Variants in GRIN2D observed in about 807,000 individuals in gnomAD.
GRIN2D encodes the protein glutamate receptor ionotropic, NMDA 2D.
GRIN2D carries 37 observed loss-of-function variants against 103.2 expected under a neutral mutation model. The observed-to-expected ratio is 0.36, with a 90% CI of 0.28 to 0.47. The LOEUF (loss-of-function observed/expected upper bound fraction) is 0.47, where lower values mean the gene tolerates loss of function less well. Ranked by LOEUF, GRIN2D falls within the 20% of genes least tolerant of loss-of-function variation. GRIN2D has a pLI of 1.00. For missense variants in GRIN2D, 1,557 were observed against 1,910.6 expected, an observed-to-expected ratio of 0.81 and a Z score of 3.45; for synonymous variants, 845 against 885.6, an observed-to-expected ratio of 0.95 and a Z score of 0.81.
Position 48,432,773 on chromosome 19 carries a change from C to CT in GRIN2D, c.2253-8981dup, listed in dbSNP as rs567358434. Among the ~76,000 whole-genome samples the CT allele has an allele frequency of 3.4e-3, 465 of 136,358 alleles. 1 individual carries two copies. The highest frequency in any genetic ancestry group is 7.8e-3 in the African/African-American group (291 of 37,466). The allele number at this position is 136,358 out of a possible 152,430, so 89.5% of individuals were successfully genotyped here. On this transcript the variant is annotated intron_variant, in intron 11 of 13. Coordinates refer to ENST00000263269, the MANE Select transcript of GRIN2D (RefSeq NM_000836.4). ...CATGCCTGGCCAGAAACTGGACTTT[C>CT]TTTTTTTTTTTTTTTATTTCATTTT...
rs1600992222 is a variant in GRIN2D at position 48,434,531 on chromosome 19, T to G, written c.2253-7238T>G. On this transcript the variant is annotated intron_variant, in intron 11 of 13. Coordinates refer to ENST00000263269, the MANE Select transcript of GRIN2D (RefSeq NM_000836.4). ...CAGCCTCCCAAAGTGTTCTTGGGAT[T>G]ACAGGCGTGAGCCACCATGCCTGGC... Among the ~76,000 whole-genome samples, 4 of 152,260 alleles carry G rather than the reference T, an allele frequency of 2.6e-5. 1 individual carries two copies. Among genetic ancestry groups the G allele is most frequent in the Admixed American group, 2.6e-4 (4 of 15,308 alleles).
chr19:48,416,697 C>T (rs1970952500), intron 8 of GRIN2D, among the ~76,000 whole-genome samples: 2 of 151,362 alleles, frequency 1.3e-5, no homozygotes, highest in African/African-American at 2.4e-5. Context: ...GATCTCTCAG[C>T]CTTGTGAAGG....
intron 11 of GRIN2D, among the ~76,000 whole-genome samples, chr19:48,432,981 G>C (rs1376795961): frequency 1.3e-5 from 2 of 149,242 alleles, no homozygotes; most frequent in Non-Finnish European, 3.0e-5. Context: ...AGTAGAGGTG[G>C]GGTTTCACCA....
intron 11 of GRIN2D, among the ~76,000 whole-genome samples, chr19:48,430,292 C>A (rs952581078): frequency 2.0e-5 from 3 of 152,090 alleles, no homozygotes; most frequent in Non-Finnish European, 4.4e-5. Context: ...CTGTGCCTCC[C>A]AGGTTCAAGT....
Position 48,403,009 on chromosome 19 carries a change from G to A in GRIN2D, c.466-1725G>A, listed in dbSNP as rs987589429. 2.9e-4 allele frequency among the ~76,000 whole-genome samples: 44 copies of A among 151,966 alleles called. 1 individual carries two copies. The highest frequency in any genetic ancestry group is 9.9e-4 in the African/African-American group (41 of 41,368). On this transcript the variant is annotated intron_variant, in intron 3 of 13. Transcript: ENST00000263269. ...AGTTCAGAAGTTCGAGACCAGCTTG[G>A]CCAACATGGTGAAACCCTGTCTCTA...
At chr19:48,413,128 C>G (rs1249029753) in intron 4 of GRIN2D, among the ~76,000 whole-genome samples, 1 of 144,596 alleles carries the variant, frequency 6.9e-6, no homozygotes, top group Admixed American at 7.1e-5. Flanking sequence ...AAGAGCAAGA[C>G]TCTGTCTCAA....
At chr19:48,425,676 G>A (rs1273136255) in intron 11 of GRIN2D, among the ~76,000 whole-genome samples, 2 of 152,080 alleles carry the variant, frequency 1.3e-5, no homozygotes, top group Non-Finnish European at 2.9e-5. Flanking sequence ...GAGAAAGCAG[G>A]ATACCTGTAT....
chr19:48,426,228 T>C (rs866289799), intron 11 of GRIN2D, among the ~76,000 whole-genome samples: 25 of 141,702 alleles, frequency 1.8e-4, no homozygotes, highest in East Asian at 7.7e-4. Flanking sequence ...TTCTTTCTTT[T>C]TTTTTTTTTT....
chr19:48,416,067 C>G lies in GRIN2D; in HGVS notation c.1647C>G (p.Ile549Met). 1 of 1,613,954 alleles carries G rather than the reference C, an allele frequency of 6.2e-7. No individual in the cohort carries two copies. Among genetic ancestry groups the G allele is most frequent in the Non-Finnish European group, 8.5e-7 (1 of 1,179,868 alleles). ...SLTINEERSE[I>M]VDFSVPFVET... ...CCATCAACGAGGAGCGCTCCGAGAT[C>G]GTGGACTTCTCCGTCCCCTTCGTGG... The change falls in exon 8 of 14, where the codon ATC becomes ATG. Residue 549 changes from isoleucine (I) to methionine (M), a missense_variant. Physicochemically the swap from Ile to Met is conservative, Grantham distance 10. Transcript: ENST00000263269.
chr19:48,409,590 T>C (rs529909173), intron 4 of GRIN2D, among the ~76,000 whole-genome samples: 8 of 151,738 alleles, frequency 5.3e-5, no homozygotes, highest in Admixed American at 5.3e-4. Context: ...AATTTCAATA[T>C]GAGTTTTGGA....
intron 11 of GRIN2D, among the ~76,000 whole-genome samples, chr19:48,437,977 GAGCTTCACATTCTCCA>G (rs1378950875): frequency 6.7e-6 from 1 of 150,012 alleles, no homozygotes; most frequent in African/African-American, 2.5e-5. Flanking sequence ...TAATTCTCCG[GAGCTTCACATTCTCCA>G]CCCCTGAGTC....
At chr19:48,417,739 C>T (rs1055468869) in intron 8 of GRIN2D, among the ~76,000 whole-genome samples, 6 of 152,154 alleles carry the variant, frequency 3.9e-5, no homozygotes, top group African/African-American at 9.7e-5. Flanking sequence ...AGGTGACAGG[C>T]GTGTCCCCAG....
In GRIN2D at chr19:48,421,706, G is replaced by T. The variant is rs1654671; in HGVS notation, c.2092-79G>T. On this transcript the variant is annotated intron_variant, in intron 10 of 13. Transcript: ENST00000263269. The surrounding 1 kb of genome is among the most constrained non-coding windows in gnomAD (Gnocchi z 4.8). ...GGGACTGGGGTGTCTGCCAGATAGC[G>T]GGTGTGTCTCAGAATGGGTGATTTA... The T allele has an allele frequency of 1.7e-6, 2 of 1,145,838 alleles. No individual in the cohort carries two copies. Among genetic ancestry groups the T allele is most frequent in the South Asian group, 1.3e-5 (1 of 74,630 alleles). The allele number at this position is 1,145,838 out of a possible 1,614,324, so 71.0% of individuals were successfully genotyped here.
At chr19:48,400,196 G>A (rs1555891555) in intron 3 of GRIN2D, among the ~76,000 whole-genome samples, 1 of 151,998 alleles carries the variant, frequency 6.6e-6, no homozygotes, top group Non-Finnish European at 1.5e-5. Context: ...GAGAGAATTG[G>A]ACCAAGCCTG....
rs1971327716 is a variant in GRIN2D at position 48,443,179 on chromosome 19, G to A, written c.3253G>A (p.Ala1085Thr). The A allele has an allele frequency of 3.4e-5, 37 of 1,074,080 alleles. No homozygotes were observed. Among genetic ancestry groups the A allele is most frequent in the Non-Finnish European group, 3.6e-5 (32 of 882,132 alleles). 66.5% of individuals were successfully genotyped at this position (1,074,080 alleles called of 1,614,324 possible). The part of the protein sequence containing the change: ...GAGGAGGTGG[A>T]GGGAPAAPPP... Reference sequence around the variant, plus strand: ...GGGCGGCGCGGGGGGCACGGGGGGCGCAGGCGGAGGAGCCCCGGCCGCTCC... The same window carrying A: ...GGGCGGCGCGGGGGGCACGGGGGGCACAGGCGGAGGAGCCCCGGCCGCTCC... Residue 1085 changes from alanine (A) to threonine (T), a missense_variant, in exon 14 of 14, where the codon GCA (alanine) becomes ACA (threonine). Physicochemically the swap from Ala to Thr is moderately conservative, Grantham distance 58. This residue lies in a region of GRIN2D where 632 missense variants were observed against 572.8 expected (regional missense o/e 1.10). Transcript: ENST00000263269. The surrounding 1 kb of genome is among the most constrained non-coding windows in gnomAD (Gnocchi z 8.9).
chr19:48,442,484 G>C lies in GRIN2D; in HGVS notation c.2673+102G>C, dbSNP rs1172852373. 2 of 1,520,082 alleles carry C rather than the reference G, an allele frequency of 1.3e-6. No homozygotes were observed. Among genetic ancestry groups the C allele is most frequent in the Non-Finnish European group, 1.8e-6 (2 of 1,132,656 alleles). 94.2% of individuals were successfully genotyped at this position (1,520,082 alleles called of 1,614,324 possible). A position where few individuals can be genotyped will look rare whatever the true frequency, so the allele number is the denominator to read the frequency against. On this transcript the variant is annotated intron_variant, in intron 13 of 13. Transcript: ENST00000263269. The surrounding 1 kb of genome is among the most constrained non-coding windows in gnomAD (Gnocchi z 7.2). Reference sequence around the variant, plus strand: ...AGATGTGGGTCGAGATGTGGATAGTGGGGAAGAGAGCGGGAAACACAGGCG... The same window carrying C: ...AGATGTGGGTCGAGATGTGGATAGTCGGGAAGAGAGCGGGAAACACAGGCG...
rs747222848 is a variant in GRIN2D at position 48,421,619 on chromosome 19, G to A, written c.2092-166G>A. ...ACGTGTCTGCAACCGTGTGTGCTGG[G>A]TGGGAGTGGAAAAGCATTCCCTAAT... On this transcript the variant is annotated intron_variant, in intron 10 of 13. Transcript: ENST00000263269. The surrounding 1 kb of genome is among the most constrained non-coding windows in gnomAD (Gnocchi z 4.8). 1.2e-4 allele frequency among the ~76,000 whole-genome samples: 18 copies of A among 152,184 alleles called. No homozygotes were observed. Among genetic ancestry groups the A allele is most frequent in the African/African-American group, 4.1e-4 (17 of 41,436 alleles).
At chr19:48,400,684 C>G (rs1179854189) in intron 3 of GRIN2D, among the ~76,000 whole-genome samples, 3 of 152,176 alleles carry the variant, frequency 2.0e-5, no homozygotes, top group Admixed American at 6.5e-5. Context: ...TTCACAGCTC[C>G]ATCTGTGCCC....
At chr19:48,416,729 T>TTC (rs375692824) in intron 8 of GRIN2D, among the ~76,000 whole-genome samples, 148 of 126,940 alleles carry the variant, frequency 1.2e-3, no homozygotes, top group African/African-American at 3.9e-3. Context: ...AAGCTTCTAC[T>TTC]TCTCTCTCTC....
Sources: gnomAD v4.1 joint callset for allele counts (sites outside exome capture counted in the v4.1 genomes callset) on GRCh38, gnomAD v4.1.1 for gene constraint, gnomAD v4.1.1 regional missense constraint, Gnocchi (gnomAD v3.1) non-coding constraint, MANE v1.5 for transcripts, NCBI Gene and HGNC (gene_info 2026-07-23, HGNC 2026-07-21) for gene names.